Variants in NUP214 observed in about 807,000 individuals in gnomAD.
NUP214 encodes nucleoporin 214.
NUP214 carries 79 observed loss-of-function variants against 196.2 expected under a neutral mutation model. That is an observed-to-expected ratio of 0.40 (90% CI 0.34 to 0.49). The LOEUF is 0.49. Ranked by LOEUF, NUP214 falls within the 20% of genes least tolerant of loss-of-function variation. The pLI is 0.58. For synonymous variants in NUP214, 1,020 were observed against 990.5 expected, an observed-to-expected ratio of 1.03 and a Z score of -0.56; for missense variants, 2,468 against 2,539.0, an observed-to-expected ratio of 0.97 and a Z score of 0.60.
intron 12 of NUP214, among the ~76,000 whole-genome samples, chr9:131,145,533 C>T (rs1832063863): frequency 6.6e-6 from 1 of 152,204 alleles, no homozygotes; most frequent in Middle Eastern, 3.2e-3. Context: ...ACATCCACTT[C>T]ATGCTAAGGG....
Position 131,163,038 on chromosome 9 carries a change from A to G in NUP214, c.2588A>G (p.Asn863Ser). The G allele has an allele frequency of 6.2e-7, 1 of 1,614,220 alleles. No individual in the cohort carries two copies. The highest frequency in any genetic ancestry group is 1.1e-5 in the South Asian group (1 of 91,080). Residue 863 changes from asparagine (N) to serine (S), a missense_variant, in exon 19 of 36, where the codon AAC (asparagine) becomes AGC (serine). Asn to Ser is a conservative substitution (Grantham distance 46). Around this residue, in one of 5 missense-constraint regions of NUP214, gnomAD observed 1,801 missense variants for 1,779.4 expected, o/e 1.01. Coordinates refer to ENST00000359428, the MANE Select transcript of NUP214 (RefSeq NM_005085.4). ...ERETLFNTLANNREIINQQRK... is the reference protein window; with the variant it reads ...ERETLFNTLASNREIINQQRK... ...GAGACACTGTTTAACACCCTAGCCA[A>G]CAATCGGGAAATCATCAACCAACAG...
chr9:131,130,797 A>G lies in NUP214; in HGVS notation c.624A>G (p.Ala208=). 1 of 1,614,204 alleles carries G rather than the reference A, an allele frequency of 6.2e-7. No homozygotes were observed. The highest frequency in any genetic ancestry group is 1.1e-5 in the South Asian group (1 of 91,086). The part of the protein sequence containing the change: ...VCWSPKGKQL[A]VGKQNGTVVQ... ...GGAGCCCCAAAGGAAAGCAGCTGGC[A>G]GTGGGAAAACAGAATGGAACTGTGG... is the stretch of plus-strand genomic sequence containing the variant. The change falls in exon 5 of 36, where the codon GCA becomes GCG. Residue 208 remains alanine, a synonymous_variant. Coordinates refer to ENST00000359428, the MANE Select transcript of NUP214 (RefSeq NM_005085.4).
At chr9:131,192,403 T>A in intron 27 of NUP214, 111 bp downstream of exon 27, 4 of 627,896 alleles carry the variant, frequency 6.4e-6, no homozygotes, top group African/African-American at 1.9e-5. Flanking sequence ...CCCAGAGTTC[T>A]TACCGTGGCA....
At chr9:131,215,170 A>T in intron 30 of NUP214, 42 bp from the exon 31 acceptor site, 1 of 1,423,212 alleles carries the variant, frequency 7.0e-7, no homozygotes, top group Non-Finnish European at 9.2e-7. Flanking sequence ...TTTCACGATG[A>T]CCTCTCATCC....
intron 11 of NUP214, among the ~76,000 whole-genome samples, chr9:131,142,638 A>G (rs956645654): frequency 6.6e-6 from 1 of 152,274 alleles, no homozygotes; most frequent in Admixed American, 6.5e-5. Flanking sequence ...TTTACCTAAT[A>G]TGCATGAAAG....
intron 30 of NUP214, among the ~76,000 whole-genome samples, chr9:131,207,939 A>G (rs1834129495): frequency 6.6e-6 from 1 of 152,226 alleles, no homozygotes; most frequent in South Asian, 2.1e-4. Flanking sequence ...AGCAAAATAA[A>G]TGACCAGTAA....
In NUP214 at chr9:131,232,630, G is replaced by T; in HGVS notation, c.6239+322G>T. 2 of 465,268 alleles carry T rather than the reference G, an allele frequency of 4.3e-6. No homozygotes were observed. Among genetic ancestry groups the T allele is most frequent in the South Asian group, 4.3e-5 (2 of 46,256 alleles). 28.8% of individuals were successfully genotyped at this position (465,268 alleles called of 1,614,324 possible). A position where few individuals can be genotyped will look rare whatever the true frequency, so the allele number is the denominator to read the frequency against. On this transcript the variant is annotated intron_variant, in intron 35 of 35. Transcript: ENST00000359428. The surrounding 1 kb of genome is among the most constrained non-coding windows in gnomAD (Gnocchi z 5.1). ...CTTCCCTGGAGGTTTCTCAGAAGCT[G>T]CATGCTAACCCCTGGGCTCTGGGCC...
At position 131,146,065 on chromosome 9, in the gene NUP214, T is replaced by C; in HGVS notation, c.1770-64T>C. 7.1e-7 allele frequency: 1 copy of C among 1,414,876 alleles called. No homozygotes were observed. The highest frequency in any genetic ancestry group is 1.7e-5 in the Admixed American group (1 of 57,672). The allele number at this position is 1,414,876 out of a possible 1,614,324, so 87.6% of individuals were successfully genotyped here. On this transcript the variant is annotated intron_variant, in intron 12 of 35. Coordinates refer to ENST00000359428, the MANE Select transcript of NUP214 (RefSeq NM_005085.4). This position sits in a 1 kb window ranked among gnomAD's most constrained non-coding sequence, Gnocchi z 4.6. ...ATAAGTTATCTTTTGATGACATTGC[T>C]CATGCTAGTGTAAAAGAATCTTCTA...
intron 17 of NUP214, among the ~76,000 whole-genome samples, chr9:131,156,467 T>A (rs1832448631): frequency 6.6e-6 from 1 of 152,138 alleles, no homozygotes. Flanking sequence ...TTGTGTCGTT[T>A]CCATTTGTGT....
Position 131,198,603 on chromosome 9 carries a change from CAGCAGCTCAGGGTTT to C in NUP214, c.5116_5130del (p.Ser1706_Ser1710del). ...GCACAGCAGCTGCCACACCACAGGT[CAGCAGCTCAGGGTTT>C]AGCAGCCCAGCTTTTGGTACCACAG... On this transcript the variant is annotated inframe_deletion, in exon 29 of 36. Coordinates refer to ENST00000359428, the MANE Select transcript of NUP214 (RefSeq NM_005085.4). 1.2e-6 allele frequency: 2 copies of C among 1,614,262 alleles called. No individual in the cohort carries two copies. The highest frequency in any genetic ancestry group is 1.7e-6 in the Non-Finnish European group (2 of 1,180,044).
rs754369510 is a variant in NUP214, at chr9:131,134,988, A to G, written c.922A>G (p.Ser308Gly). 1.9e-6 allele frequency: 3 copies of G among 1,611,342 alleles called. No homozygotes were observed. The highest frequency in any genetic ancestry group is 1.1e-5 in the South Asian group (1 of 91,040). ...GGAGAGACAGCATCATTACTACCTC[A>G]GTTACATTGAGGAATGGTGAGCAGA... ...CTERQHHYYL[S>G]YIEEWDLVLA... The change falls in exon 8 of 36, where the codon AGT (serine) becomes GGT (glycine). Residue 308 changes from serine (S) to glycine (G), a missense_variant. By Grantham distance (56) the Ser-to-Gly change is moderately conservative (BLOSUM62 0). This residue lies in a region of NUP214 where 392 missense variants were observed against 417.9 expected (regional missense o/e 0.94). Transcript: ENST00000359428.
At chr9:131,128,786 G>A (rs763145137) in intron 3 of NUP214, 1 of 311,168 alleles carries the variant, frequency 3.2e-6, no homozygotes, top group Non-Finnish European at 6.0e-6. Context: ...TCCATTCCAA[G>A]CAGTTTAAGA....
chr9:131,173,116 G>A (rs1204562020), intron 21 of NUP214, among the ~76,000 whole-genome samples: 2 of 152,164 alleles, frequency 1.3e-5, no homozygotes, highest in African/African-American at 2.4e-5. Flanking sequence ...CAGTGCAATG[G>A]TGCAATCTGG....
chr9:131,220,941 G>A (rs1443806533), intron 31 of NUP214, among the ~76,000 whole-genome samples: 2 of 152,188 alleles, frequency 1.3e-5, no homozygotes, highest in African/African-American at 2.4e-5. Context: ...ATTTCATATG[G>A]TTGCACCAAG....
At chr9:131,203,342 G>A (rs142318784) in intron 30 of NUP214, among the ~76,000 whole-genome samples, 5 of 152,222 alleles carry the variant, frequency 3.3e-5, no homozygotes, top group Admixed American at 6.5e-5. Flanking sequence ...TGAGGACACC[G>A]AAGGCCCAGA....
chr9:131,226,042 G>T (rs1834710874), intron 32 of NUP214, among the ~76,000 whole-genome samples: 2 of 152,102 alleles, frequency 1.3e-5, no homozygotes, highest in South Asian at 4.1e-4. Flanking sequence ...ATGAGAGGTG[G>T]GCGTTTGAGT....
chr9:131,130,781 A>C lies in NUP214; in HGVS notation c.608A>C (p.Lys203Thr), dbSNP rs376659131. 12 of 1,613,992 alleles carry C rather than the reference A, an allele frequency of 7.4e-6. No individual in the cohort carries two copies. Among genetic ancestry groups the C allele is most frequent in the African/African-American group, 2.7e-5 (2 of 74,916 alleles). ...VAVTSVCWSP[K>T]GKQLAVGKQN... The stretch of plus-strand genomic sequence containing the variant: ...CTTTGCTCAGTGTGCTGGAGCCCCA[A>C]AGGAAAGCAGCTGGCAGTGGGAAAA... The change falls in exon 5 of 36, where the codon AAA becomes ACA. Residue 203 changes from lysine to threonine, a missense_variant. Lys to Thr is a moderately conservative substitution (Grantham distance 78). This residue lies in a region of NUP214 where 392 missense variants were observed against 417.9 expected (regional missense o/e 0.94). Coordinates refer to ENST00000359428, the MANE Select transcript of NUP214 (RefSeq NM_005085.4).
At position 131,194,884 on chromosome 9, in the gene NUP214, C is replaced by T. The variant is rs189235338; in HGVS notation, c.3660-349C>T. Among the ~76,000 whole-genome samples, 47 of 152,266 alleles carry T rather than the reference C, an allele frequency of 3.1e-4. 1 individual carries two copies. The highest frequency in any genetic ancestry group is 2.1e-3 in the Admixed American group (32 of 15,292). The stretch of plus-strand genomic sequence containing the variant: ...CCCTCACTTAACAGACCATCTGCTC[C>T]GGCCACCATTCCCACATGCACATTT... On this transcript the variant is annotated intron_variant, in intron 27 of 35. Coordinates refer to ENST00000359428, the MANE Select transcript of NUP214 (RefSeq NM_005085.4).
Position 131,140,678 on chromosome 9 carries a change from C to G in NUP214, c.1262C>G (p.Ser421Ter), listed in dbSNP as rs1256737067. The change falls in exon 11 of 36, where the codon TCA becomes TGA. Residue 421 changes from serine to a stop codon, truncating the protein, a stop_gained. Coordinates refer to ENST00000359428, the MANE Select transcript of NUP214 (RefSeq NM_005085.4). LOFTEE classifies it high-confidence loss of function. ...KSLIKTPERL[S>*]LEGERQPKSP... The stretch of plus-strand genomic sequence containing the variant: ...CTCATCAAAACACCAGAGCGACTTT[C>G]ATTAGAAGGAGAGCGACAGCCCAAG... The G allele has an allele frequency of 6.2e-7, 1 of 1,613,884 alleles. No individual in the cohort carries two copies. Among genetic ancestry groups the G allele is most frequent in the South Asian group, 1.1e-5 (1 of 91,002 alleles).
Sources: gnomAD v4.1 joint callset for allele counts (sites outside exome capture counted in the v4.1 genomes callset) on GRCh38, gnomAD v4.1.1 for gene constraint, gnomAD v4.1.1 regional missense constraint, Gnocchi (gnomAD v3.1) non-coding constraint, MANE v1.5 for transcripts, NCBI Gene and HGNC (gene_info 2026-07-23, HGNC 2026-07-21) for gene names.